The following DNAH10 variants were observed in gnomAD, a reference collection of about 807,000 sequenced individuals.
DNAH10 encodes the protein dynein axonemal heavy chain 10.
Under a neutral mutation model 506.6 loss-of-function variants are expected in DNAH10, and 348 were observed. The ratio of observed to expected loss-of-function variants is 0.69; its 90% confidence interval spans 0.63 to 0.75. The LOEUF is 0.75. DNAH10 is among the 30% of genes least tolerant of loss of function. The probability of loss-of-function intolerance (pLI) is 0.00; values close to 1 mark genes in which losing one functional copy is unlikely to be tolerated. For synonymous variants in DNAH10, 2,059 were observed against 2,198.6 expected, an observed-to-expected ratio of 0.94 and a Z score of 1.78; for missense variants, 5,179 against 5,787.1, an observed-to-expected ratio of 0.89 and a Z score of 3.41.
chr12:123,872,973 G>A (rs1192821424), intron 45 of DNAH10, among the ~76,000 whole-genome samples: 2 of 152,220 alleles, frequency 1.3e-5, no homozygotes, highest in East Asian at 3.8e-4. Context: ...CCTAAGCATG[G>A]CAGGAGGGCC....
At chr12:123,908,283 C>T in intron 57 of DNAH10, 1 of 454,004 alleles carries the variant, frequency 2.2e-6, no homozygotes, top group African/African-American at 2.0e-5. Flanking sequence ...TGTTCTTGTG[C>T]ATGTGTCTCC....
intron 57 of DNAH10, among the ~76,000 whole-genome samples, chr12:123,904,640 A>C (rs111797153): frequency 5.9e-4 from 90 of 152,238 alleles, no homozygotes; most frequent in African/African-American, 2.1e-3. Context: ...AAAAGGAATA[A>C]TTTTTACACA....
In DNAH10 at chr12:123,850,306, G is replaced by A. The variant is rs1190935051; in HGVS notation, c.6103-582G>A. On this transcript the variant is annotated intron_variant, in intron 34 of 78. Transcript: ENST00000673944. This position sits in a 1 kb window ranked among gnomAD's most constrained non-coding sequence, Gnocchi z 5.5. ...GGCTAAGAATATAGGGATTTCCGTG[G>A]TTTGTTGGTACCTGGGGCAACCAGA... 6.6e-6 allele frequency among the ~76,000 whole-genome samples: 1 copy of A among 152,046 alleles called. No individual in the cohort carries two copies. Among genetic ancestry groups the A allele is most frequent in the Non-Finnish European group, 1.5e-5 (1 of 68,012 alleles).
intron 18 of DNAH10, among the ~76,000 whole-genome samples, chr12:123,807,903 AGG>A (rs1958755361): frequency 2.4e-5 from 2 of 82,400 alleles, no homozygotes; most frequent in South Asian, 4.6e-4. Context: ...GTGAAGAGAG[AGG>A]GGAGAGAGAG....
In DNAH10 at chr12:123,873,576, T is replaced by A. The variant is rs1952121290; in HGVS notation, c.7804T>A (p.Phe2602Ile). The A allele has an allele frequency of 6.8e-6, 11 of 1,612,484 alleles. No individual in the cohort carries two copies. The highest frequency in any genetic ancestry group is 8.5e-6 in the Non-Finnish European group (10 of 1,179,412). The change falls in exon 46 of 79, where the codon TTC becomes ATC. Residue 2602 changes from phenylalanine (F) to isoleucine (I), a missense_variant. By Grantham distance (21) the Phe-to-Ile change is conservative. Around this residue, in one of 3 missense-constraint regions of DNAH10, gnomAD observed 4,844 missense variants for 5,430.5 expected, o/e 0.89. Transcript: ENST00000673944. Reference protein sequence around the residue: ...EETNIVLMVNFSSRTTSMDIQ... With the variant: ...EETNIVLMVNISSRTTSMDIQ... ...GCTTCAGATTGTGTTAATGGTCAAC[T>A]TCTCCTCCCGCACCACGTCCATGGA...
intron 3 of DNAH10, 43 bp downstream of exon 3, chr12:123,771,741 C>T: frequency 6.8e-7 from 1 of 1,467,672 alleles, no homozygotes; most frequent in Non-Finnish European, 9.4e-7. Context: ...TAATGGGGAC[C>T]CTTGATGCCC....
Position 123,864,685 on chromosome 12 carries a change from C to G in DNAH10, c.6999C>G (p.Asn2333Lys), listed in dbSNP as rs373572485. The stretch of plus-strand genomic sequence containing the variant: ...ACAACAGGTTGTTGACATTGGCCAA[C>G]GGGGAACGCATCCGGCTCCAAGCAC... ...MDDNRLLTLA[N>K]GERIRLQAHC... The change falls in exon 40 of 79, where the codon AAC becomes AAG. Residue 2333 changes from asparagine (N) to lysine (K), a missense_variant. Coordinates refer to ENST00000673944, the MANE Select transcript of DNAH10 (RefSeq NM_001372106.1). 1 of 1,613,746 alleles carries G rather than the reference C, an allele frequency of 6.2e-7. No individual in the cohort carries two copies. The highest frequency in any genetic ancestry group is 8.5e-7 in the Non-Finnish European group (1 of 1,179,858).
chr12:123,885,074 A>G (rs904362184), intron 51 of DNAH10, among the ~76,000 whole-genome samples: 2 of 152,266 alleles, frequency 1.3e-5, no homozygotes, highest in Non-Finnish European at 2.9e-5. Context: ...TATTCAACTT[A>G]CAATGGGTTT....
chr12:123,924,234 G>A (rs923297839), intron 66 of DNAH10, 44 bp from the exon 67 acceptor site: 1 of 1,565,444 alleles, frequency 6.4e-7, no homozygotes, highest in Non-Finnish European at 8.7e-7. Context: ...CTTGCTTTGT[G>A]TTAGTGGTAC....
intron 21 of DNAH10, among the ~76,000 whole-genome samples, chr12:123,818,578 C>T (rs1305616721): frequency 1.3e-5 from 2 of 152,206 alleles, no homozygotes; most frequent in East Asian, 3.9e-4. Context: ...CCCGCCTCAG[C>T]CTCCAAAAGT....
chr12:123,906,482 T>TC (rs1177695804), intron 57 of DNAH10, among the ~76,000 whole-genome samples: 22 of 152,258 alleles, frequency 1.4e-4, no homozygotes, highest in African/African-American at 5.1e-4. Context: ...CCTCAGGTGA[T>TC]CCACCCACCT....
At chr12:123,836,974 T>TC (rs111230654) in intron 28 of DNAH10, among the ~76,000 whole-genome samples, 83,110 of 151,128 alleles carry the variant, frequency 0.55, 24,473 homozygotes, top group African/African-American at 0.73. Flanking sequence ...TGCCTCAGCC[T>TC]CCGAGTAGCT....
intron 56 of DNAH10, among the ~76,000 whole-genome samples, chr12:123,899,904 G>A (rs894867808): frequency 2.0e-5 from 3 of 152,132 alleles, no homozygotes; most frequent in Admixed American, 6.5e-5. Flanking sequence ...CAACTTAATC[G>A]ATAGATATCC....
intron 5 of DNAH10, among the ~76,000 whole-genome samples, chr12:123,780,030 C>T (rs1366347027): frequency 6.6e-6 from 1 of 152,120 alleles, no homozygotes. Flanking sequence ...TCTCTAGCTA[C>T]ATTTTGAAGA....
At position 123,928,978 on chromosome 12, in the gene DNAH10, GTCTCTCTC is replaced by G; in HGVS notation, c.12307-287_12307-280del. The G allele has an allele frequency of 2.1e-6, 1 of 468,032 alleles. No homozygotes were observed. 29.0% of individuals were successfully genotyped at this position (468,032 alleles called of 1,614,324 possible). On this transcript the variant is annotated intron_variant, in intron 70 of 78. Transcript: ENST00000673944. The surrounding 1 kb of genome is among the most constrained non-coding windows in gnomAD (Gnocchi z 4.9). The stretch of plus-strand genomic sequence containing the variant: ...TTTTGGAAAGGTTTTGTCATTCTCT[GTCTCTCTC>G]TCTCTCTCTGGGGAGGTGGAGGGAA...
intron 6 of DNAH10, 57 bp from the exon 7 acceptor site, chr12:123,783,050 C>A: frequency 6.4e-7 from 1 of 1,571,592 alleles, no homozygotes; most frequent in African/African-American, 1.4e-5. Context: ...TTGAATGTTT[C>A]TCTTTGTAAT....
Position 123,893,508 on chromosome 12 carries a change from C to T in DNAH10, c.9199+72C>T, listed in dbSNP as rs1953081683. ...GTGTGTGGCTGAGGGTCTGTCCACACCTCTCCAGGTTCCCCCAGCAAAGCA... is the reference window on the plus strand; with the variant it reads ...GTGTGTGGCTGAGGGTCTGTCCACATCTCTCCAGGTTCCCCCAGCAAAGCA... On this transcript the variant is annotated intron_variant, in intron 53 of 78. Transcript: ENST00000673944. 3 of 1,553,670 alleles carry T rather than the reference C, an allele frequency of 1.9e-6. No individual in the cohort carries two copies. In the East Asian group the frequency reaches 6.7e-5, roughly 35 times the overall value.
intron 61 of DNAH10, 31 bp downstream of exon 61, chr12:123,914,581 GGGGACA>G (rs1274422075): frequency 6.2e-7 from 1 of 1,600,666 alleles, no homozygotes; most frequent in Non-Finnish European, 8.5e-7. Flanking sequence ...GCAGGAGGGA[GGGGACA>G]CCTTAGCACA....
chr12:123,778,944 G>C (rs554789717), intron 5 of DNAH10, among the ~76,000 whole-genome samples: 1 of 151,004 alleles, frequency 6.6e-6, no homozygotes, highest in East Asian at 2.0e-4. Flanking sequence ...GTGTCGCCCA[G>C]TCTGGAGTGT....
Sources: allele counts gnomAD v4.1 joint callset (sites outside exome capture counted in the v4.1 genomes callset), GRCh38; gene constraint gnomAD v4.1.1; regional missense constraint gnomAD v4.1.1; non-coding constraint Gnocchi (gnomAD v3.1); transcripts MANE v1.5; gene names NCBI Gene and HGNC (gene_info 2026-07-23, HGNC 2026-07-21).